The following HSF5 variants were observed in gnomAD, a reference collection of about 807,000 sequenced individuals.
HSF5 encodes the protein heat shock factor protein 5.
In HSF5, 5 loss-of-function variants were observed where a neutral mutation model predicts 50.8. The observed-to-expected ratio is 0.10, with a 90% CI of 0.05 to 0.21. HSF5 has a LOEUF of 0.21. Among genes scored for constraint, HSF5 ranks in the 10% least tolerant of loss-of-function variants. The pLI is 1.00. For synonymous variants in HSF5, 307 were observed against 307.4 expected (o/e 1.00, Z 0.02); for missense variants, 564 against 762.6 (o/e 0.74, Z 3.07).
At chr17:58,442,873 G>C (rs35357517) in intron 5 of HSF5, among the ~76,000 whole-genome samples, 22,390 of 151,654 alleles carry the variant, frequency 0.15, 2,009 homozygotes, top group Middle Eastern at 0.22. Context: ...GAGGAGCTGG[G>C]ACTACAGGCA....
At chr17:58,447,406 G>C (rs1442883389) in intron 5 of HSF5, among the ~76,000 whole-genome samples, 2 of 152,202 alleles carry the variant, frequency 1.3e-5, no homozygotes, top group Non-Finnish European at 2.9e-5. Context: ...TCTTAGGCAA[G>C]ACCTGGTACT....
At position 58,458,559 on chromosome 17, in the gene HSF5, T is replaced by C. The variant is rs371352739; in HGVS notation, c.1720+209A>G. On this transcript the variant is annotated intron_variant, in intron 5 of 5. Transcript: ENST00000323777. ...TATATTTTCAAAGCCCAAATCATTA[T>C]ATGCAATATTAAGAAAATAACTATT... Among the ~76,000 whole-genome samples the C allele has an allele frequency of 2.0e-5, 3 of 152,218 alleles. No homozygotes were observed. The South Asian group carries it at 6.2e-4, about 31-fold the overall frequency.
rs1974219240 is a variant in HSF5, at chr17:58,420,721, C to A, written c.*1639G>T. Reference sequence around the variant, plus strand: ...GTCTTGATAATTTGCTCTTTTAAACCTTGCTAATAAAGATAAATAAATGCC... The same window carrying A: ...GTCTTGATAATTTGCTCTTTTAAACATTGCTAATAAAGATAAATAAATGCC... On this transcript the variant is annotated 3_prime_UTR_variant, in exon 6 of 6. Coordinates refer to ENST00000323777, the MANE Select transcript of HSF5 (RefSeq NM_001080439.3). 1 of 152,144 alleles carries A rather than the reference C, an allele frequency of 6.6e-6. No individual in the cohort carries two copies. The highest frequency in any genetic ancestry group is 2.1e-4 in the South Asian group (1 of 4,830). The allele number at this position is 152,144 out of a possible 1,614,324, so 9.4% of individuals were successfully genotyped here.
At chr17:58,460,122 A>G (rs1389402916) in intron 4 of HSF5, among the ~76,000 whole-genome samples, 1 of 151,994 alleles carries the variant, frequency 6.6e-6, no homozygotes, top group Non-Finnish European at 1.5e-5. Context: ...GGCTCAAGCT[A>G]TCCTCCCACC....
intron 3 of HSF5, among the ~76,000 whole-genome samples, chr17:58,464,668 T>C (rs1974837463): frequency 6.6e-6 from 1 of 152,246 alleles, no homozygotes; most frequent in Admixed American, 6.5e-5. Flanking sequence ...GTTTCACTTT[T>C]GTCACCCAGG....
At chr17:58,439,726 C>T (rs184706694) in intron 5 of HSF5, among the ~76,000 whole-genome samples, 403 of 152,194 alleles carry the variant, frequency 2.6e-3, no homozygotes, top group African/African-American at 8.8e-3. Flanking sequence ...TCAGGTGATC[C>T]GCCCGCCTTG....
In HSF5 at chr17:58,422,450, T is replaced by A. The variant is rs1974239702; in HGVS notation, c.1721-20A>T. On this transcript the variant is annotated intron_variant, in intron 5 of 5. Transcript: ENST00000323777. The stretch of plus-strand genomic sequence containing the variant: ...GAAGATCTAGAAAGAAAGGATAGTT[T>A]ACTCCCTCTTAGCCTCTCTGTAGAG... 1.2e-6 allele frequency: 2 copies of A among 1,606,326 alleles called. No homozygotes were observed. The highest frequency in any genetic ancestry group is 1.7e-6 in the Non-Finnish European group (2 of 1,173,210).
chr17:58,461,381 C>A (rs1974791679), intron 4 of HSF5, among the ~76,000 whole-genome samples: 1 of 150,724 alleles, frequency 6.6e-6, no homozygotes, highest in African/African-American at 2.4e-5. Flanking sequence ...ACATTTGGAT[C>A]TAAAAATAGA....
At chr17:58,477,015 C>G (rs1975021995) in intron 2 of HSF5, 1 of 573,254 alleles carries the variant, frequency 1.7e-6, no homozygotes, top group Non-Finnish European at 3.1e-6. Context: ...GCAGCTTCCC[C>G]CTCACGGCAC....
intron 5 of HSF5, among the ~76,000 whole-genome samples, chr17:58,444,496 GGGA>G (rs1164813056): frequency 6.6e-6 from 1 of 152,056 alleles, no homozygotes; most frequent in African/African-American, 2.4e-5. Flanking sequence ...AAATGGTATT[GGGA>G]AAACTGGATA....
chr17:58,450,655 A>C (rs1974627306), intron 5 of HSF5, among the ~76,000 whole-genome samples: 1 of 150,832 alleles, frequency 6.6e-6, no homozygotes, highest in African/African-American at 2.4e-5. Flanking sequence ...TGGGAGGCTG[A>C]GGCAGGAGAA....
chr17:58,462,868 C>T lies in HSF5; in HGVS notation c.1456G>A (p.Val486Ile). ...TGATTTAGGTGCTCCTTCAGTTTGA[C>T]ATGAGCTTGCTGGATGGCTGCAGAT... The part of the protein sequence containing the change: ...QESAAIQQAH[V>I]KLKEHLNHNP... Residue 486 changes from valine to isoleucine, a missense_variant, in exon 4 of 6, where the codon GTC (valine) becomes ATC (isoleucine). By Grantham distance (29) the Val-to-Ile change is conservative. This residue lies in a region of HSF5 where 441 missense variants were observed against 533.6 expected (regional missense o/e 0.83). Transcript: ENST00000323777. 1.2e-6 allele frequency: 2 copies of T among 1,614,132 alleles called. No individual in the cohort carries two copies. Among genetic ancestry groups the T allele is most frequent in the Non-Finnish European group, 1.7e-6 (2 of 1,179,998 alleles).
At chr17:58,436,867 A>G (rs1247456120) in intron 5 of HSF5, among the ~76,000 whole-genome samples, 2 of 152,152 alleles carry the variant, frequency 1.3e-5, no homozygotes, top group African/African-American at 4.8e-5. Context: ...GAAAGCAGAG[A>G]AACGAAGGTC....
chr17:58,430,012 A>G (rs1974342662), intron 5 of HSF5, among the ~76,000 whole-genome samples: 1 of 152,178 alleles, frequency 6.6e-6, no homozygotes, highest in Admixed American at 6.5e-5. Context: ...TCATTGGATT[A>G]AGAAATACCT....
chr17:58,461,987 T>A (rs920931399), intron 4 of HSF5, among the ~76,000 whole-genome samples: 1 of 152,220 alleles, frequency 6.6e-6, no homozygotes, highest in Non-Finnish European at 1.5e-5. Context: ...GGGTGAATAG[T>A]GTACAGTGTA....
chr17:58,440,940 T>TA (rs34177447), intron 5 of HSF5, among the ~76,000 whole-genome samples: 22,499 of 152,068 alleles, frequency 0.15, 2,031 homozygotes, highest in Middle Eastern at 0.21. Flanking sequence ...ATGAGAGGTT[T>TA]AAAAAAATTA....
At chr17:58,479,226 TTAAA>T (rs1460428341) in intron 2 of HSF5, among the ~76,000 whole-genome samples, 12 of 152,112 alleles carry the variant, frequency 7.9e-5, no homozygotes, top group Admixed American at 7.9e-4. Flanking sequence ...TTAAACCATA[TTAAA>T]TATATAATAA....
rs182994363 is a variant in HSF5 at position 58,420,377 on chromosome 17, G to A, written c.*1983C>T. ...AGTTGATAGATACAAGGCGTGTAAGGATAGCAGGAGATCCAGCTCCTTGGT... is the reference window on the plus strand; with the variant it reads ...AGTTGATAGATACAAGGCGTGTAAGAATAGCAGGAGATCCAGCTCCTTGGT... On this transcript the variant is annotated 3_prime_UTR_variant, in exon 6 of 6. Transcript: ENST00000323777. The A allele has an allele frequency of 2.8e-4, 42 of 152,302 alleles. No individual in the cohort carries two copies. The East Asian group carries it at 8.1e-3, about 29-fold the overall frequency. 9.4% of individuals were successfully genotyped at this position (152,302 alleles called of 1,614,324 possible). A position where few individuals can be genotyped will look rare whatever the true frequency, so the allele number is the denominator to read the frequency against.
At chr17:58,448,804 C>T (rs1974596363) in intron 5 of HSF5, among the ~76,000 whole-genome samples, 1 of 151,850 alleles carries the variant, frequency 6.6e-6, no homozygotes, top group Non-Finnish European at 1.5e-5. Context: ...TTCAGAATAC[C>T]CTAATACTGT....
Sources: allele counts gnomAD v4.1 joint callset (sites outside exome capture counted in the v4.1 genomes callset), GRCh38; gene constraint gnomAD v4.1.1; regional missense constraint gnomAD v4.1.1; transcripts MANE v1.5; gene names NCBI Gene and HGNC (gene_info 2026-07-23, HGNC 2026-07-21).